Variants in TBL2 observed in about 807,000 individuals in gnomAD.
TBL2 encodes the protein transducin beta-like protein 2.
TBL2 carries 33 observed loss-of-function variants against 41.8 expected under a neutral mutation model. That is an observed-to-expected ratio of 0.79 (90% confidence interval 0.60 to 1.06). The LOEUF (loss-of-function observed/expected upper bound fraction) is 1.06, where lower values mean the gene tolerates loss of function less well. Among genes scored for constraint, TBL2 ranks in the 50% least tolerant of loss-of-function variants. The pLI, the probability that TBL2 is intolerant of heterozygous loss-of-function variation, is 0.00. For synonymous variants in TBL2, 239 were observed against 241.7 expected (o/e 0.99, Z 0.10); for missense variants, 522 against 603.8 (o/e 0.86, Z 1.42).
At position 73,578,574 on chromosome 7, in the gene TBL2, G is replaced by A. The variant is rs369530509; in HGVS notation, c.-25C>T. 236 of 1,578,512 alleles carry A rather than the reference G, an allele frequency of 1.5e-4. No individual in the cohort carries two copies. In the African/African-American group the frequency reaches 2.6e-3, roughly 18 times the overall value. ...TGTTGGTGGAACCACTGCCACCTCA[G>A]CTAGTGAGTACGCGGGCGCCCGCAC... On this transcript the variant is annotated 5_prime_UTR_variant, in exon 1 of 7. Transcript: ENST00000305632.
intron 1 of TBL2, chr7:73,578,019 CCT>C (rs1165964504): frequency 4.0e-6 from 2 of 499,446 alleles, no homozygotes; most frequent in Admixed American, 8.0e-5. Flanking sequence ...TTACTGGACT[CCT>C]TACAGAAAAA....
intron 1 of TBL2, among the ~76,000 whole-genome samples, chr7:73,576,078 G>A (rs782724423): frequency 2.6e-5 from 4 of 151,356 alleles, no homozygotes; most frequent in African/African-American, 7.3e-5. Flanking sequence ...AGATTGAATT[G>A]GATGAGATAT....
At chr7:73,577,236 G>A (rs1554589131) in intron 1 of TBL2, among the ~76,000 whole-genome samples, 1 of 147,342 alleles carries the variant, frequency 6.8e-6, no homozygotes, top group African/African-American at 2.5e-5. Flanking sequence ...CTCCAGATTG[G>A]GCGACAGAGC....
chr7:73,571,480 G>A lies in TBL2; in HGVS notation c.726-139C>T, dbSNP rs1792948664. ...AACCTTTAAAGAGTTATTTTGGCCGGGCGCGGTGGCTCACGCCTGTCATCC... is the reference window on the plus strand; with the variant it reads ...AACCTTTAAAGAGTTATTTTGGCCGAGCGCGGTGGCTCACGCCTGTCATCC... On this transcript the variant is annotated intron_variant, in intron 5 of 6. Coordinates refer to ENST00000305632, the MANE Select transcript of TBL2 (RefSeq NM_012453.4). The A allele has an allele frequency of 2.4e-6, 3 of 1,247,252 alleles. No homozygotes were observed. In the Admixed American group the frequency reaches 7.4e-5, roughly 31 times the overall value. 77.3% of individuals were successfully genotyped at this position (1,247,252 alleles called of 1,614,324 possible).
chr7:73,574,202 G>T (rs1284288937), intron 2 of TBL2, 80 bp from the exon 3 acceptor site: 2 of 1,563,604 alleles, frequency 1.3e-6, no homozygotes, highest in African/African-American at 1.4e-5. Flanking sequence ...GGGGAGATGG[G>T]GCCCTGTGGC....
chr7:73,573,867 A>G, intron 3 of TBL2, 71 bp downstream of exon 3: 2 of 1,565,696 alleles, frequency 1.3e-6, no homozygotes, highest in South Asian at 2.3e-5. Flanking sequence ...ACTACCTCAA[A>G]GCAGATATGG....
intron 1 of TBL2, chr7:73,576,394 C>T (rs1793315863): frequency 6.2e-6 from 2 of 321,600 alleles, no homozygotes; most frequent in Non-Finnish European, 1.2e-5. Context: ...GGTGAAACCC[C>T]GTCTCTACTA....
At chr7:73,574,298 G>A (rs1554588410) in intron 2 of TBL2, 85 bp downstream of exon 2, 3 of 1,572,062 alleles carry the variant, frequency 1.9e-6, no homozygotes, top group Non-Finnish European at 1.7e-6. Flanking sequence ...AGGCAGGAGA[G>A]CCTGTAACAT....
chr7:73,574,871 G>A, intron 1 of TBL2: 1 of 378,304 alleles, frequency 2.6e-6, no homozygotes, highest in South Asian at 2.1e-5. Context: ...ACCTGGGTTT[G>A]GATTCTGTCT....
At chr7:73,578,163 G>T in intron 1 of TBL2, 1 of 1,314,650 alleles carries the variant, frequency 7.6e-7, no homozygotes, top group Non-Finnish European at 1.0e-6. Context: ...GCCACCCCGG[G>T]GACGGCCTGG....
Position 73,573,742 on chromosome 7 carries a change from CCT to C in TBL2, c.446+194_446+195del, listed in dbSNP as rs375486055. 531 of 766,206 alleles carry C rather than the reference CCT, an allele frequency of 6.9e-4. 2 individuals carry two copies. Among genetic ancestry groups the C allele is most frequent in the African/African-American group, 5.1e-3 (293 of 57,016 alleles). The allele number at this position is 766,206 out of a possible 1,614,324, so 47.5% of individuals were successfully genotyped here. On this transcript the variant is annotated intron_variant, in intron 3 of 6. Transcript: ENST00000305632. Reference sequence around the variant, plus strand: ...ATTTCCAGGTAGGAAGAGACCTCCCCCTGTTTCCTTGCTGTATAGCAGCCCAG... The same window carrying C: ...ATTTCCAGGTAGGAAGAGACCTCCCCGTTTCCTTGCTGTATAGCAGCCCAG...
At chr7:73,571,479 G>C in intron 5 of TBL2, 138 bp from the exon 6 acceptor site, 2 of 1,261,774 alleles carry the variant, frequency 1.6e-6, no homozygotes, top group African/African-American at 1.5e-5. Flanking sequence ...TATTTTGGCC[G>C]GGCGCGGTGG....
At chr7:73,574,787 G>C in intron 1 of TBL2, 1 of 540,680 alleles carries the variant, frequency 1.8e-6, no homozygotes, top group East Asian at 4.1e-5. Flanking sequence ...ATTCCATCCT[G>C]AGTGACAGAG....
intron 1 of TBL2, among the ~76,000 whole-genome samples, chr7:73,577,243 G>T (rs1367127900): frequency 7.7e-6 from 1 of 129,752 alleles, no homozygotes; most frequent in South Asian, 2.5e-4. Context: ...TTGGGCGACA[G>T]AGCAAAACTC....
At chr7:73,573,834 G>T in intron 3 of TBL2, 104 bp downstream of exon 3, 2 of 1,405,540 alleles carry the variant, frequency 1.4e-6, no homozygotes, top group Non-Finnish European at 1.9e-6. Flanking sequence ...CCCAAGGGAG[G>T]CCCTGGGTCC....
intron 1 of TBL2, among the ~76,000 whole-genome samples, chr7:73,577,004 T>A (rs1447463222): frequency 2.6e-5 from 4 of 152,044 alleles, no homozygotes; most frequent in Non-Finnish European, 5.9e-5. Flanking sequence ...ACGCCTGTAA[T>A]CCCAGCACTT....
intron 5 of TBL2, among the ~76,000 whole-genome samples, chr7:73,572,478 G>T (rs138322081): frequency 2.5e-3 from 375 of 152,252 alleles, no homozygotes; most frequent in Non-Finnish European, 4.4e-3. Context: ...AAAATTAGCT[G>T]AGTACAGTGG....
chr7:73,572,427 C>T (rs1479322973), intron 5 of TBL2, among the ~76,000 whole-genome samples: 1 of 152,076 alleles, frequency 6.6e-6, no homozygotes, highest in Admixed American at 6.6e-5. Context: ...CCTGCCTGGG[C>T]GAGGGTGAAA....
chr7:73,574,183 C>T (rs1186957073), intron 2 of TBL2, 61 bp from the exon 3 acceptor site: 41 of 1,590,270 alleles, frequency 2.6e-5, no homozygotes, highest in Non-Finnish European at 3.2e-5. Context: ...GGAAGCCAAA[C>T]CTGGAGCCGG....
Sources: allele counts gnomAD v4.1 joint callset (sites outside exome capture counted in the v4.1 genomes callset), GRCh38; gene constraint gnomAD v4.1.1; transcripts MANE v1.5; gene names NCBI Gene and HGNC (gene_info 2026-07-23, HGNC 2026-07-21).